Variants in PCDHGA4 observed in about 807,000 individuals in gnomAD.
PCDHGA4 encodes the protein protocadherin gamma subfamily A, 4.
In PCDHGA4, 38 loss-of-function variants were observed where a neutral mutation model predicts 54.6. The ratio of observed to expected loss-of-function variants is 0.70; its 90% confidence interval spans 0.54 to 0.91. PCDHGA4 has a LOEUF of 0.91. Among genes scored for constraint, PCDHGA4 ranks in the 40% least tolerant of loss-of-function variants. The pLI is 0.00. For missense variants in PCDHGA4, 1,298 were observed against 1,220.9 expected (o/e 1.06, Z -0.94); for synonymous variants, 511 against 512.9 (o/e 1.00, Z 0.05).
chr5:141,414,576 G>A, intron 1 of PCDHGA4: 1 of 1,613,898 alleles, frequency 6.2e-7, no homozygotes, highest in Non-Finnish European at 8.5e-7. Context: ...ATATCCCAGA[G>A]AACAACGCCA....
chr5:141,491,800 C>T lies in PCDHGA4; in HGVS notation c.2515-3007C>T. The T allele has an allele frequency of 6.7e-7, 1 of 1,500,854 alleles. No individual in the cohort carries two copies. Among genetic ancestry groups the T allele is most frequent in the Non-Finnish European group, 8.9e-7 (1 of 1,125,316 alleles). 93.0% of individuals were successfully genotyped at this position (1,500,854 alleles called of 1,614,324 possible). A position where few individuals can be genotyped will look rare whatever the true frequency, so the allele number is the denominator to read the frequency against. Reference sequence around the variant, plus strand: ...GAACTTGCATCCACTCCTCTCCGGCCGGCTTGGTCGCTGGCTGCGCTCCAC... The same window carrying T: ...GAACTTGCATCCACTCCTCTCCGGCTGGCTTGGTCGCTGGCTGCGCTCCAC... On this transcript the variant is annotated intron_variant, in intron 1 of 3. Transcript: ENST00000571252. The surrounding 1 kb of genome is among the most constrained non-coding windows in gnomAD (Gnocchi z 6.9).
At chr5:141,407,505 T>TTTTTTTTTTTTTTTTTTTTTTGAGACGG (rs1460306566) in intron 1 of PCDHGA4, among the ~76,000 whole-genome samples, 2 of 152,142 alleles carry the variant, frequency 1.3e-5, no homozygotes, top group African/African-American at 2.4e-5. Context: ...CTGTTTTTCT[T>TTTTTTTTTTTTTTTTTTTTTTGAGACGG]AGGCTATGTA....
At chr5:141,385,488 T>C in intron 1 of PCDHGA4, 1 of 1,400,248 alleles carries the variant, frequency 7.1e-7, no homozygotes, top group Non-Finnish European at 9.3e-7. Context: ...ATAGAACACA[T>C]AGGATATAGT....
rs1330257915 is a variant in PCDHGA4 at position 141,486,153 on chromosome 5, C to T, written c.2515-8654C>T. Reference sequence around the variant, plus strand: ...GATGTGCGGGCTCGCGATGGGGGTTCTCCAGCCATGGAGCAACATTGCAGC... The same window carrying T: ...GATGTGCGGGCTCGCGATGGGGGTTTTCCAGCCATGGAGCAACATTGCAGC... On this transcript the variant is annotated intron_variant, in intron 1 of 3. Transcript: ENST00000571252. This position sits in a 1 kb window ranked among gnomAD's most constrained non-coding sequence, Gnocchi z 5.0. 1 of 1,614,084 alleles carries T rather than the reference C, an allele frequency of 6.2e-7. No homozygotes were observed. Among genetic ancestry groups the T allele is most frequent in the Non-Finnish European group, 8.5e-7 (1 of 1,180,036 alleles).
At chr5:141,366,856 T>C (rs900954854) in intron 1 of PCDHGA4, 26 of 1,424,752 alleles carry the variant, frequency 1.8e-5, no homozygotes, top group Non-Finnish European at 2.4e-5. Context: ...TAGTGGAACA[T>C]TATTTGCTGT....
At chr5:141,371,693 C>T in intron 1 of PCDHGA4, 1 of 1,614,066 alleles carries the variant, frequency 6.2e-7, no homozygotes, top group Non-Finnish European at 8.5e-7. Context: ...CACCGCTCTC[C>T]TCCAGCAAGA....
chr5:141,491,742 C>T lies in PCDHGA4; in HGVS notation c.2515-3065C>T. On this transcript the variant is annotated intron_variant, in intron 1 of 3. Transcript: ENST00000571252. This position sits in a 1 kb window ranked among gnomAD's most constrained non-coding sequence, Gnocchi z 6.9. ...CGCCCCGGGCGACCCCTGGGGGCGG[C>T]ACTGGAGAAGCCGCCCGTCCTCATA... 6.3e-7 allele frequency: 1 copy of T among 1,596,114 alleles called. No individual in the cohort carries two copies. Among genetic ancestry groups the T allele is most frequent in the African/African-American group, 1.3e-5 (1 of 74,260 alleles).
At chr5:141,467,941 G>A (rs1173095290) in intron 1 of PCDHGA4, among the ~76,000 whole-genome samples, 4 of 151,984 alleles carry the variant, frequency 2.6e-5, no homozygotes, top group Admixed American at 2.6e-4. Context: ...TTACAAGCAT[G>A]AGCCACCACA....
chr5:141,419,621 G>T, intron 1 of PCDHGA4: 2 of 1,612,306 alleles, frequency 1.2e-6, no homozygotes, highest in Non-Finnish European at 1.7e-6. Context: ...AGGCTACCTG[G>T]TGACCAAGGT....
At chr5:141,509,310 G>A (rs1223508453) in intron 3 of PCDHGA4, among the ~76,000 whole-genome samples, 2 of 152,174 alleles carry the variant, frequency 1.3e-5, no homozygotes, top group Non-Finnish European at 1.5e-5. Flanking sequence ...GAGGGAGGCT[G>A]GGAGAGAAGC....
Position 141,493,435 on chromosome 5 carries a change from G to T in PCDHGA4, c.2515-1372G>T, listed in dbSNP as rs150678406. On this transcript the variant is annotated intron_variant, in intron 1 of 3. Coordinates refer to ENST00000571252, the MANE Select transcript of PCDHGA4 (RefSeq NM_018917.4). The surrounding 1 kb of genome is among the most constrained non-coding windows in gnomAD (Gnocchi z 4.3). ...TGGGATTTTGCTTCTGCTGGGATGG[G>T]GCAAGGGTGGGGTTCCTTCCCTTTT... Among the ~76,000 whole-genome samples the T allele has an allele frequency of 6.6e-5, 10 of 152,294 alleles. No individual in the cohort carries two copies. In the East Asian group the frequency reaches 1.7e-3, roughly 26 times the overall value.
chr5:141,373,370 G>T (rs1448314999), intron 1 of PCDHGA4, among the ~76,000 whole-genome samples: 1 of 152,164 alleles, frequency 6.6e-6, no homozygotes, highest in African/African-American at 2.4e-5. Context: ...TAATGAATTG[G>T]TTCAAAATGT....
At position 141,431,468 on chromosome 5, in the gene PCDHGA4, G is replaced by A. The variant is rs756718016; in HGVS notation, c.2515-63339G>A. ...CCGCGTGATGGTTCTGGATGCGAAC[G>A]ACAACGCACCAGCGTTTGCTCAGCC... On this transcript the variant is annotated intron_variant, in intron 1 of 3. Transcript: ENST00000571252. This position sits in a 1 kb window ranked among gnomAD's most constrained non-coding sequence, Gnocchi z 4.8. The A allele has an allele frequency of 3.7e-6, 6 of 1,613,804 alleles. No homozygotes were observed. In the Admixed American group the frequency reaches 8.3e-5, roughly 22 times the overall value.
In PCDHGA4 at chr5:141,403,547, G is replaced by A. The variant is rs940508173; in HGVS notation, c.2514+45926G>A. ...AAACCCAGAGCTGGTGCTGGAGCGC[G>A]CCCTGGACAGGGAGGAGGCAACTGC... On this transcript the variant is annotated intron_variant, in intron 1 of 3. Coordinates refer to ENST00000571252, the MANE Select transcript of PCDHGA4 (RefSeq NM_018917.4). 3.4e-5 allele frequency: 55 copies of A among 1,613,888 alleles called. No individual in the cohort carries two copies. The highest frequency in any genetic ancestry group is 4.5e-5 in the Non-Finnish European group (53 of 1,179,904).
rs1365133001 is a variant in PCDHGA4 at position 141,477,683 on chromosome 5, G to A, written c.2515-17124G>A. ...TGACAATGGCATAGTGTCATCCTTA[G>A]TGCCCCTAGACTATGAGGATCGGCG... On this transcript the variant is annotated intron_variant, in intron 1 of 3. Transcript: ENST00000571252. This position sits in a 1 kb window ranked among gnomAD's most constrained non-coding sequence, Gnocchi z 4.9. 1.2e-6 allele frequency: 2 copies of A among 1,614,176 alleles called. No homozygotes were observed. The highest frequency in any genetic ancestry group is 3.3e-5 in the Admixed American group (2 of 60,028).
At chr5:141,403,172 C>T in intron 1 of PCDHGA4, 1 of 1,614,018 alleles carries the variant, frequency 6.2e-7, no homozygotes, top group Non-Finnish European at 8.5e-7. Context: ...TAGGACGCAG[C>T]TTTTCTCTCT....
chr5:141,370,403 T>C (rs1766874006), intron 1 of PCDHGA4: 2 of 1,554,604 alleles, frequency 1.3e-6, no homozygotes, highest in Non-Finnish European at 1.7e-6. Context: ...GGATGGGAAA[T>C]AGCTCCGGAT....
intron 1 of PCDHGA4, chr5:141,392,676 C>G: frequency 1.1e-6 from 1 of 917,280 alleles, no homozygotes. Context: ...AACTGCTGGA[C>G]TGCAGCGAAA....
In PCDHGA4 at chr5:141,491,409, G is replaced by T; in HGVS notation, c.2515-3398G>T. The T allele has an allele frequency of 6.8e-6, 11 of 1,614,118 alleles. No individual in the cohort carries two copies. Among genetic ancestry groups the T allele is most frequent in the Non-Finnish European group, 9.3e-6 (11 of 1,180,014 alleles). On this transcript the variant is annotated intron_variant, in intron 1 of 3. Coordinates refer to ENST00000571252, the MANE Select transcript of PCDHGA4 (RefSeq NM_018917.4). The surrounding 1 kb of genome is among the most constrained non-coding windows in gnomAD (Gnocchi z 6.9). ...AGTGCCTTCAGGGAAACGCAGACGG[G>T]GACGGGGGTGGAGGGCAGTGCTGCA...
Sources: gnomAD v4.1 joint callset for allele counts (sites outside exome capture counted in the v4.1 genomes callset) on GRCh38, gnomAD v4.1.1 for gene constraint, Gnocchi (gnomAD v3.1) non-coding constraint, MANE v1.5 for transcripts, NCBI Gene and HGNC (gene_info 2026-07-23, HGNC 2026-07-21) for gene names.